The following KALRN variants were observed in gnomAD, a reference collection of about 807,000 sequenced individuals.
The protein encoded by KALRN is kalirin.
A neutral mutation model predicts 353.7 loss-of-function variants in KALRN; 70 were observed. That is an observed-to-expected ratio of 0.20 (90% CI 0.16 to 0.24). KALRN has a LOEUF of 0.24. Ranked by LOEUF, KALRN falls within the 10% of genes least tolerant of loss-of-function variation. The probability of loss-of-function intolerance (pLI) is 1.00; values close to 1 mark genes in which losing one functional copy is unlikely to be tolerated. For missense variants in KALRN, 2,791 were observed against 3,756.7 expected (o/e 0.74, Z 6.72); for synonymous variants, 1,391 against 1,434.8 (o/e 0.97, Z 0.69).
At chr3:124,325,514 G>A (rs2079805025) in intron 6 of KALRN, among the ~76,000 whole-genome samples, 1 of 152,146 alleles carries the variant, frequency 6.6e-6, no homozygotes. Flanking sequence ...TCTTTGATGA[G>A]TACTTCTGCC....
chr3:124,574,838 G>C (rs1250200789), intron 34 of KALRN, among the ~76,000 whole-genome samples: 1 of 152,246 alleles, frequency 6.6e-6, no homozygotes, highest in East Asian at 1.9e-4. Flanking sequence ...GGGAAGGGCA[G>C]AGATGGGAGG....
chr3:124,094,499 G>C (rs980107986), intron 1 of KALRN, among the ~76,000 whole-genome samples: 1 of 152,360 alleles, frequency 6.6e-6, no homozygotes, highest in South Asian at 2.1e-4. Context: ...ACATGGACTT[G>C]ACTGTGGATT....
At chr3:124,479,000 T>A (rs1400662989) in intron 27 of KALRN, among the ~76,000 whole-genome samples, 1 of 152,258 alleles carries the variant, frequency 6.6e-6, no homozygotes, top group African/African-American at 2.4e-5. Context: ...TCCTTTCCTT[T>A]GTACTTTGTA....
intron 17 of KALRN, among the ~76,000 whole-genome samples, chr3:124,437,547 G>A (rs2093516033): frequency 6.6e-6 from 1 of 151,994 alleles, no homozygotes; most frequent in South Asian, 2.1e-4. Context: ...AAAATTAGCT[G>A]GATGTGGTGG....
At chr3:124,189,574 G>A (rs1200012950) in intron 1 of KALRN, among the ~76,000 whole-genome samples, 3 of 151,748 alleles carry the variant, frequency 2.0e-5, no homozygotes, top group African/African-American at 4.8e-5. Flanking sequence ...AAGCCGAGGC[G>A]GGTGGATCAC....
intron 1 of KALRN, among the ~76,000 whole-genome samples, chr3:124,156,148 T>G (rs2149966139): frequency 6.6e-6 from 1 of 152,334 alleles, no homozygotes; most frequent in East Asian, 1.9e-4. Context: ...ATCCCTCCTC[T>G]TAGGGGACTT....
In KALRN at chr3:124,614,338, G is replaced by A. The variant is rs764264163; in HGVS notation, c.5183-18082G>A. Among the ~76,000 whole-genome samples, 93 of 151,326 alleles carry A rather than the reference G, an allele frequency of 6.1e-4. 1 individual carries two copies. Among genetic ancestry groups the A allele is most frequent in the Admixed American group, 9.2e-4 (14 of 15,160 alleles). On this transcript the variant is annotated intron_variant, in intron 34 of 59. Coordinates refer to ENST00000682506, the MANE Select transcript of KALRN (RefSeq NM_001388419.1). ...GGCTGGAGGGCAGTGGCTCGATCAC[G>A]GCTCAATGCAGCCTCGACCTTCCGG... is the stretch of plus-strand genomic sequence containing the variant.
intron 13 of KALRN, among the ~76,000 whole-genome samples, chr3:124,399,602 A>G (rs2090603249): frequency 6.6e-6 from 1 of 152,234 alleles, no homozygotes; most frequent in Non-Finnish European, 1.5e-5. Context: ...GATAATATAA[A>G]TCATGCGTTA....
chr3:124,037,656 G>T (rs1195723558), intron 1 of KALRN, among the ~76,000 whole-genome samples: 1 of 152,148 alleles, frequency 6.6e-6, no homozygotes, highest in Non-Finnish European at 1.5e-5. Flanking sequence ...AGGTGAGGGG[G>T]AGGAGCTTTG....
At chr3:124,389,964 G>T (rs1191887407) in intron 11 of KALRN, among the ~76,000 whole-genome samples, 1 of 152,104 alleles carries the variant, frequency 6.6e-6, no homozygotes, top group East Asian at 1.9e-4. Flanking sequence ...ACTTAAAAAA[G>T]AAAGGCAACA....
At chr3:124,087,348 T>C (rs2060878763) in intron 1 of KALRN, among the ~76,000 whole-genome samples, 2 of 152,154 alleles carry the variant, frequency 1.3e-5, no homozygotes, top group South Asian at 2.1e-4. Flanking sequence ...CAAGCAAGCA[T>C]GTTAATTAGG....
At chr3:124,623,429 A>ACACACACACACACACACACACACACAC (rs1561450939) in intron 34 of KALRN, among the ~76,000 whole-genome samples, 2 of 83,056 alleles carry the variant, frequency 2.4e-5, no homozygotes, top group South Asian at 2.9e-4. Flanking sequence ...CACACACACA[A>ACACACACACACACACACACACACACAC]AAGGGAGTTT....
intron 33 of KALRN, among the ~76,000 whole-genome samples, chr3:124,531,644 G>T (rs981913504): frequency 5.3e-5 from 8 of 152,108 alleles, no homozygotes; most frequent in Non-Finnish European, 8.8e-5. Flanking sequence ...AGAGAGTGAG[G>T]GGGGAGGTGC....
chr3:124,185,706 T>G (rs1332428966), intron 1 of KALRN, among the ~76,000 whole-genome samples: 1 of 152,210 alleles, frequency 6.6e-6, no homozygotes, highest in African/African-American at 2.4e-5. Context: ...CCAGTTGTCC[T>G]CTGCCTTGCT....
At chr3:124,204,790 C>A (rs1006749163) in intron 1 of KALRN, among the ~76,000 whole-genome samples, 1 of 152,196 alleles carries the variant, frequency 6.6e-6, no homozygotes, top group Non-Finnish European at 1.5e-5. Context: ...AAAACTAAAT[C>A]TCTAAGGTCT....
At chr3:124,046,633 CAG>C (rs1425866766) in intron 1 of KALRN, among the ~76,000 whole-genome samples, 1 of 152,168 alleles carries the variant, frequency 6.6e-6, no homozygotes, top group Admixed American at 6.5e-5. Context: ...GGGATAAAAA[CAG>C]TGTTTTTGGC....
intron 33 of KALRN, among the ~76,000 whole-genome samples, chr3:124,545,801 G>A (rs1320466490): frequency 6.6e-6 from 1 of 152,170 alleles, no homozygotes; most frequent in Non-Finnish European, 1.5e-5. Context: ...CTTCTTTGAT[G>A]TCCTAGAGAG....
chr3:124,309,273 A>T (rs2078013568), intron 6 of KALRN, among the ~76,000 whole-genome samples: 1 of 152,126 alleles, frequency 6.6e-6, no homozygotes. Flanking sequence ...AGATGAGGGA[A>T]CATGTCCCAG....
intron 51 of KALRN, among the ~76,000 whole-genome samples, chr3:124,686,688 G>C (rs1174832824): frequency 2.0e-5 from 3 of 151,812 alleles, no homozygotes; most frequent in African/African-American, 7.3e-5. Context: ...CTGCTAGGAA[G>C]CCAGGACTTG....
Sources: allele counts gnomAD v4.1 joint callset (sites outside exome capture counted in the v4.1 genomes callset), GRCh38; gene constraint gnomAD v4.1.1; transcripts MANE v1.5; gene names NCBI Gene and HGNC (gene_info 2026-07-23, HGNC 2026-07-21).